RANBP10: variants seen among roughly 807,000 people sequenced by gnomAD.
RANBP10 encodes ran-binding protein 10.
RANBP10 carries 24 observed loss-of-function variants against 72.8 expected under a neutral mutation model. That is an observed-to-expected ratio of 0.33 (90% confidence interval 0.24 to 0.46). RANBP10 has a LOEUF of 0.46. RANBP10 is among the 20% of genes least tolerant of loss of function. RANBP10 has a pLI of 1.00. For missense variants in RANBP10, 679 were observed against 817.5 expected (o/e 0.83, Z 2.07); for synonymous variants, 310 against 322.3 (o/e 0.96, Z 0.41).
At chr16:67,744,830 T>C (rs2054038769) in intron 3 of RANBP10, among the ~76,000 whole-genome samples, 2 of 152,180 alleles carry the variant, frequency 1.3e-5, no homozygotes, top group African/African-American at 4.8e-5. Flanking sequence ...ATGTTTTTTT[T>C]GTTTGTTTGT....
intron 2 of RANBP10, among the ~76,000 whole-genome samples, chr16:67,788,219 C>T (rs922341631): frequency 1.3e-5 from 2 of 152,000 alleles, no homozygotes; most frequent in South Asian, 2.1e-4. Context: ...TAGAGTCTCA[C>T]TCTGTCAGCC....
chr16:67,786,049 G>C (rs1286220235), intron 2 of RANBP10, among the ~76,000 whole-genome samples: 1 of 151,812 alleles, frequency 6.6e-6, no homozygotes, highest in Non-Finnish European at 1.5e-5. Context: ...CAAGAGGCCA[G>C]GCATGGTAGC....
chr16:67,735,468 CAT>C (rs1597831769), intron 5 of RANBP10, among the ~76,000 whole-genome samples: 1 of 152,154 alleles, frequency 6.6e-6, no homozygotes, highest in East Asian at 1.9e-4. Flanking sequence ...AAATAAGACA[CAT>C]GAGGCTGGGC....
intron 12 of RANBP10, 89 bp from the exon 13 acceptor site, chr16:67,727,527 A>G: frequency 7.3e-7 from 1 of 1,370,136 alleles, no homozygotes; most frequent in Non-Finnish European, 1.0e-6. Context: ...AGGGCCCTGC[A>G]TGATGCCCAG....
intron 3 of RANBP10, among the ~76,000 whole-genome samples, chr16:67,767,499 C>T (rs1056654426): frequency 4.7e-5 from 7 of 150,020 alleles, no homozygotes; most frequent in African/African-American, 1.2e-4. Flanking sequence ...CTGTAACTCG[C>T]GCCTATAATC....
At chr16:67,760,634 C>T (rs979073318) in intron 3 of RANBP10, among the ~76,000 whole-genome samples, 1 of 152,230 alleles carries the variant, frequency 6.6e-6, no homozygotes, top group Non-Finnish European at 1.5e-5. Context: ...CCCCTATCCC[C>T]AATCCCTGCT....
At chr16:67,797,743 G>A (rs113676285) in intron 2 of RANBP10, among the ~76,000 whole-genome samples, 3,521 of 152,122 alleles carry the variant, frequency 0.023, 52 homozygotes, top group Non-Finnish European at 0.027. Flanking sequence ...CCTGGGAGGC[G>A]GAGGTTGCAG....
intron 2 of RANBP10, among the ~76,000 whole-genome samples, chr16:67,777,482 G>A (rs1187043953): frequency 1.3e-5 from 2 of 152,134 alleles, no homozygotes; most frequent in East Asian, 3.9e-4. Context: ...CTTGCAGTGA[G>A]CCGAGATCGC....
chr16:67,765,854 A>AATAAATAAATTATAATAC (rs1319997481), intron 3 of RANBP10, among the ~76,000 whole-genome samples: 3 of 151,826 alleles, frequency 2.0e-5, no homozygotes, highest in Non-Finnish European at 4.4e-5. Flanking sequence ...AATTATAATA[A>AATAAATAAATTATAATAC]ATAAATAAAT....
At chr16:67,774,800 A>G (rs2054670447) in intron 2 of RANBP10, among the ~76,000 whole-genome samples, 1 of 152,194 alleles carries the variant, frequency 6.6e-6, no homozygotes, top group Admixed American at 6.5e-5. Context: ...TTTTAAAGCT[A>G]CCAAAAGATG....
rs775516670 is a variant in RANBP10, at chr16:67,806,459, C to T, written c.78G>A (p.Gly26=). The stretch of plus-strand genomic sequence containing the variant: ...GCTCCTGCTCCCCAGGGGACGGCAG[C>T]CCGCCCCCAGCGCCCCCGCCGGAGG... ...GDSSGGGAGG[G]LPSPGEQELS... is the part of the protein sequence containing the mutation. Residue 26 remains glycine (G), a synonymous_variant, in exon 1 of 14, where the codon GGG becomes GGA. Transcript: ENST00000317506. The T allele has an allele frequency of 1.3e-6, 2 of 1,565,802 alleles. No homozygotes were observed. The highest frequency in any genetic ancestry group is 1.7e-6 in the Non-Finnish European group (2 of 1,160,102).
chr16:67,782,255 T>A (rs1365616035), intron 2 of RANBP10, among the ~76,000 whole-genome samples: 1 of 151,856 alleles, frequency 6.6e-6, no homozygotes, highest in Admixed American at 6.6e-5. Context: ...TCCTCCCACA[T>A]CAGCCCCCTG....
At chr16:67,747,967 C>T (rs1242226977) in intron 3 of RANBP10, among the ~76,000 whole-genome samples, 1 of 151,244 alleles carries the variant, frequency 6.6e-6, no homozygotes, top group African/African-American at 2.4e-5. Context: ...ACTACAGGCG[C>T]CCGCCACCAT....
intron 2 of RANBP10, among the ~76,000 whole-genome samples, chr16:67,780,907 G>A (rs887899766): frequency 3.3e-5 from 5 of 152,224 alleles, no homozygotes; most frequent in Admixed American, 3.3e-4. Flanking sequence ...GTGCTCTCTA[G>A]CCCTGGCATT....
chr16:67,749,766 C>T (rs957929902), intron 3 of RANBP10, among the ~76,000 whole-genome samples: 2 of 152,196 alleles, frequency 1.3e-5, no homozygotes, highest in Non-Finnish European at 2.9e-5. Flanking sequence ...TCGGGAGACA[C>T]TATGGCTCCT....
chr16:67,753,710 G>A (rs1196793801), intron 3 of RANBP10, among the ~76,000 whole-genome samples: 5 of 152,190 alleles, frequency 3.3e-5, no homozygotes, highest in Admixed American at 6.5e-5. Context: ...GGAGCTGAGC[G>A]AGACTTAGGA....
rs58319144 is a variant in RANBP10, at chr16:67,769,745, CAAAAAAAAAAAAA to C, written c.400+2276_400+2288del. Among the ~76,000 whole-genome samples the C allele has an allele frequency of 5.5e-3, 153 of 27,758 alleles. 1 individual carries two copies. The highest frequency in any genetic ancestry group is 8.6e-3 in the Non-Finnish European group (117 of 13,602). 18.2% of individuals were successfully genotyped at this position (27,758 alleles called of 152,430 possible). A position where few individuals can be genotyped will look rare whatever the true frequency, so the allele number is the denominator to read the frequency against. ...TGGGCGAAAGAGCAAGACTCCGTCT[CAAAAAAAAAAAAA>C]AAAAAAAAAAAAAAAAAAGAGTCCT... On this transcript the variant is annotated intron_variant, in intron 3 of 13. Transcript: ENST00000317506.
rs2053576459 is a variant in RANBP10 at position 67,725,077 on chromosome 16, G to C, written c.*1351C>G. On this transcript the variant is annotated 3_prime_UTR_variant, in exon 14 of 14. Transcript: ENST00000317506. ...ATGGTAGCGGGACCACTTTTACTCT[G>C]CCAGCTGTAAGGATCTATCTGAAAC... is the stretch of plus-strand genomic sequence containing the variant. 1.3e-5 allele frequency: 2 copies of C among 152,676 alleles called. No individual in the cohort carries two copies. The highest frequency in any genetic ancestry group is 2.9e-5 in the Non-Finnish European group (2 of 68,086). The allele number at this position is 152,676 out of a possible 1,614,324, so 9.5% of individuals were successfully genotyped here.
In RANBP10 at chr16:67,798,267, C is replaced by A. The variant is rs549541128; in HGVS notation, c.347+7161G>T. Among the ~76,000 whole-genome samples, 4 of 152,196 alleles carry A rather than the reference C, an allele frequency of 2.6e-5. No homozygotes were observed. In the East Asian group the frequency reaches 7.7e-4, roughly 29 times the overall value. On this transcript the variant is annotated intron_variant, in intron 2 of 13. Transcript: ENST00000317506. The stretch of plus-strand genomic sequence containing the variant: ...CAAGGACAGCACCTTCTTATCAGGG[C>A]GGGCAGGACAACGCCTTCCCCAGAT...
Sources: allele counts gnomAD v4.1 joint callset (sites outside exome capture counted in the v4.1 genomes callset), GRCh38; gene constraint gnomAD v4.1.1; transcripts MANE v1.5; gene names NCBI Gene and HGNC (gene_info 2026-07-23, HGNC 2026-07-21).